Variants in INPP5A observed in about 807,000 individuals in gnomAD.
The protein encoded by INPP5A is 43 kDa inositol polyphosphate 5-phophatase.
In INPP5A, 14 loss-of-function variants were observed where a neutral mutation model predicts 65.2. The observed-to-expected ratio is 0.21, with a 90% confidence interval of 0.14 to 0.34. The LOEUF is 0.34. Ranked by LOEUF, INPP5A falls within the 10% of genes least tolerant of loss-of-function variation. The pLI is 1.00. For missense variants in INPP5A, 431 were observed against 545.6 expected (o/e 0.79, Z 2.09); for synonymous variants, 207 against 208.3 (o/e 0.99, Z 0.05).
At chr10:132,719,917 C>T (rs1845832253) in intron 8 of INPP5A, among the ~76,000 whole-genome samples, 3 of 150,300 alleles carry the variant, frequency 2.0e-5, no homozygotes, top group South Asian at 4.2e-4. Context: ...TGGGTTCTGT[C>T]TGGGCACCTT....
At chr10:132,773,570 T>C (rs1846992753) in intron 12 of INPP5A, among the ~76,000 whole-genome samples, 1 of 152,224 alleles carries the variant, frequency 6.6e-6, no homozygotes. Context: ...CAAAATGAAC[T>C]CTACTGCCTG....
Position 132,762,249 on chromosome 10 carries a change from G to A in INPP5A, c.904-3524G>A, listed in dbSNP as rs1364768360. Among the ~76,000 whole-genome samples, 1 of 152,248 alleles carries A rather than the reference G, an allele frequency of 6.6e-6. No homozygotes were observed. The highest frequency in any genetic ancestry group is 1.9e-4 in the East Asian group (1 of 5,202). ...GAATTATCCAAGACATAAACCTCAG[G>A]AAGCATGGTGAGTCCTGAGCAGGAG... On this transcript the variant is annotated intron_variant, in intron 11 of 15. Coordinates refer to ENST00000368594, the MANE Select transcript of INPP5A (RefSeq NM_005539.5). This position sits in a 1 kb window ranked among gnomAD's most constrained non-coding sequence, Gnocchi z 4.6.
rs1339512968 is a variant in INPP5A, at chr10:132,698,590, T to C, written c.474+671T>C. The stretch of plus-strand genomic sequence containing the variant: ...ACACGCGGCATTGTCGGCGTCTCCC[T>C]GGCTGTGTAGTTAACCTGTCGAGGC... On this transcript the variant is annotated intron_variant, in intron 6 of 15. Coordinates refer to ENST00000368594, the MANE Select transcript of INPP5A (RefSeq NM_005539.5). The surrounding 1 kb of genome is among the most constrained non-coding windows in gnomAD (Gnocchi z 5.5). Among the ~76,000 whole-genome samples, 1 of 152,244 alleles carries C rather than the reference T, an allele frequency of 6.6e-6. No individual in the cohort carries two copies. The highest frequency in any genetic ancestry group is 1.5e-5 in the Non-Finnish European group (1 of 68,044).
intron 1 of INPP5A, among the ~76,000 whole-genome samples, chr10:132,589,709 T>C (rs1278973702): frequency 6.6e-6 from 1 of 152,238 alleles, no homozygotes; most frequent in Non-Finnish European, 1.5e-5. Context: ...CCTGCTGCCC[T>C]GTCCTCCCAA....
At chr10:132,751,673 C>T (rs1036820962) in intron 11 of INPP5A, among the ~76,000 whole-genome samples, 7 of 151,170 alleles carry the variant, frequency 4.6e-5, no homozygotes, top group South Asian at 2.1e-4. Flanking sequence ...TTCGTGGAGG[C>T]GAGTGCCCAG....
intron 8 of INPP5A, among the ~76,000 whole-genome samples, chr10:132,714,680 C>G (rs1040188723): frequency 1.3e-5 from 2 of 151,932 alleles, no homozygotes; most frequent in Non-Finnish European, 2.9e-5. Flanking sequence ...ACCTTCGCAC[C>G]GTTGCTCTAA....
chr10:132,710,302 C>T (rs1248333523), intron 7 of INPP5A, 35 bp from the exon 8 acceptor site: 1 of 1,609,370 alleles, frequency 6.2e-7, no homozygotes. Context: ...AGGCTCCGGC[C>T]CTTGGTGACG....
At chr10:132,750,916 C>G (rs1157573029) in intron 11 of INPP5A, among the ~76,000 whole-genome samples, 1 of 152,236 alleles carries the variant, frequency 6.6e-6, no homozygotes, top group Non-Finnish European at 1.5e-5. Context: ...GCGTTCACAT[C>G]CTAGCATCCT....
At chr10:132,728,499 C>A (rs1411529632) in intron 9 of INPP5A, among the ~76,000 whole-genome samples, 1 of 152,244 alleles carries the variant, frequency 6.6e-6, no homozygotes, top group African/African-American at 2.4e-5. Context: ...TCCTCCTCCA[C>A]CCCCGCCAAG....
chr10:132,612,599 G>A (rs1233507394), intron 2 of INPP5A, among the ~76,000 whole-genome samples: 3 of 152,138 alleles, frequency 2.0e-5, no homozygotes, highest in Non-Finnish European at 2.9e-5. Flanking sequence ...GGTGGTTTGG[G>A]CTGAGGCCCG....
chr10:132,737,249 G>A (rs1481963465), intron 9 of INPP5A, among the ~76,000 whole-genome samples: 2 of 152,204 alleles, frequency 1.3e-5, no homozygotes, highest in Non-Finnish European at 2.9e-5. Flanking sequence ...GAGGGCAGGT[G>A]GCAGGGACGG....
chr10:132,559,990 G>C (rs2071181326), intron 1 of INPP5A, among the ~76,000 whole-genome samples: 1 of 152,208 alleles, frequency 6.6e-6, no homozygotes, highest in Non-Finnish European at 1.5e-5. Context: ...GTGTGAACAT[G>C]TGTCTCCAGC....
In INPP5A at chr10:132,644,718, A is replaced by G. The variant is rs551168492; in HGVS notation, c.118-1150A>G. On this transcript the variant is annotated intron_variant, in intron 2 of 15. Transcript: ENST00000368594. This position sits in a 1 kb window ranked among gnomAD's most constrained non-coding sequence, Gnocchi z 6.5. ...GCACCACCACCCCGGCACCAGACAG[A>G]GAGCCCTGTCGGGGCTTGCTCCTTG... is the stretch of plus-strand genomic sequence containing the variant. 1.6e-4 allele frequency among the ~76,000 whole-genome samples: 25 copies of G among 152,350 alleles called. No homozygotes were observed. The highest frequency in any genetic ancestry group is 6.0e-4 in the African/African-American group (25 of 41,572).
rs61757086 is a variant in INPP5A at position 132,645,924 on chromosome 10, G to C, written c.174G>C (p.Gly58=). 25 of 1,613,972 alleles carry C rather than the reference G, an allele frequency of 1.5e-5. No individual in the cohort carries two copies. The highest frequency in any genetic ancestry group is 2.0e-5 in the Non-Finnish European group (24 of 1,179,984). The stretch of plus-strand genomic sequence containing the variant: ...CCTTGCACTGTCAGGAGTTTGGAGG[G>C]AAGAACTACGAGGCCTCCATGTCCC... ...FMALHCQEFG[G]KNYEASMSHV... Residue 58 remains glycine (G), a synonymous_variant, in exon 3 of 16, where the codon GGG becomes GGC. Transcript: ENST00000368594.
chr10:132,582,719 C>T (rs2071500543), intron 1 of INPP5A, among the ~76,000 whole-genome samples: 1 of 152,190 alleles, frequency 6.6e-6, no homozygotes, highest in Non-Finnish European at 1.5e-5. Context: ...TTGTTTTTCT[C>T]CATTGGATTG....
intron 2 of INPP5A, among the ~76,000 whole-genome samples, chr10:132,612,666 C>T (rs891734191): frequency 2.0e-5 from 3 of 152,300 alleles, no homozygotes; most frequent in African/African-American, 4.8e-5. Flanking sequence ...GGGGCCCTTG[C>T]CCCTTGCCTG....
intron 1 of INPP5A, among the ~76,000 whole-genome samples, chr10:132,576,596 A>G (rs900052339): frequency 2.4e-4 from 36 of 152,202 alleles, no homozygotes; most frequent in African/African-American, 8.2e-4. Flanking sequence ...GATATCATTC[A>G]TTACCTTTTT....
chr10:132,672,415 A>G (rs1241212209), intron 4 of INPP5A, among the ~76,000 whole-genome samples: 9 of 152,102 alleles, frequency 5.9e-5, no homozygotes, highest in East Asian at 5.8e-4. Context: ...GCGGGAGGCA[A>G]GGGGATCATG....
chr10:132,738,871 A>C (rs1413899760), intron 9 of INPP5A, among the ~76,000 whole-genome samples: 1 of 152,204 alleles, frequency 6.6e-6, no homozygotes, highest in Non-Finnish European at 1.5e-5. Flanking sequence ...CTTGGGATGC[A>C]GGGCCTTGTG....
Sources: allele counts gnomAD v4.1 joint callset (sites outside exome capture counted in the v4.1 genomes callset), GRCh38; gene constraint gnomAD v4.1.1; non-coding constraint Gnocchi (gnomAD v3.1); transcripts MANE v1.5; gene names NCBI Gene and HGNC (gene_info 2026-07-23, HGNC 2026-07-21).